LRRC4C: variants seen among roughly 807,000 people sequenced by gnomAD.
The protein encoded by LRRC4C is leucine rich repeat containing 4C.
A neutral mutation model predicts 33.6 loss-of-function variants in LRRC4C; 5 were observed. The observed-to-expected ratio is 0.15, with a 90% CI of 0.08 to 0.31. The LOEUF is 0.31. Ranked by LOEUF, LRRC4C falls within the 10% of genes least tolerant of loss-of-function variation. The probability of loss-of-function intolerance (pLI) is 1.00; values close to 1 mark genes in which losing one functional copy is unlikely to be tolerated. For synonymous variants in LRRC4C, 329 were observed against 302.0 expected, an observed-to-expected ratio of 1.09 and a Z score of -0.93; for missense variants, 560 against 796.7, an observed-to-expected ratio of 0.70 and a Z score of 3.58.
intron 1 of LRRC4C, among the ~76,000 whole-genome samples, chr11:41,228,202 C>G (rs1237831578): frequency 6.6e-6 from 1 of 152,044 alleles, no homozygotes; most frequent in South Asian, 2.1e-4. Flanking sequence ...TCATCTCACC[C>G]TTTCTTTGGG....
intron 1 of LRRC4C, among the ~76,000 whole-genome samples, chr11:41,405,033 G>T (rs902765174): frequency 8.6e-5 from 13 of 151,776 alleles, no homozygotes; most frequent in East Asian, 1.9e-4. Context: ...CAATAATGTG[G>T]GTCCAGCACT....
intron 3 of LRRC4C, among the ~76,000 whole-genome samples, chr11:40,602,367 T>C (rs188369165): frequency 3.5e-4 from 54 of 152,200 alleles, no homozygotes; most frequent in Admixed American, 2.1e-3. Context: ...GAGTATTCTA[T>C]ATAGTTTTGA....
chr11:40,690,372 ATG>A (rs1187536287), intron 2 of LRRC4C, among the ~76,000 whole-genome samples: 2 of 152,208 alleles, frequency 1.3e-5, no homozygotes, highest in Non-Finnish European at 2.9e-5. Context: ...GTGAAAATAA[ATG>A]AAGGCCACCC....
chr11:41,417,477 G>A (rs1317871809), intron 1 of LRRC4C, among the ~76,000 whole-genome samples: 1 of 151,990 alleles, frequency 6.6e-6, no homozygotes, highest in Non-Finnish European at 1.5e-5. Context: ...TACATGTAGT[G>A]ACCCTTGAAA....
At chr11:41,150,287 G>T (rs1206643774) in intron 1 of LRRC4C, among the ~76,000 whole-genome samples, 1 of 152,102 alleles carries the variant, frequency 6.6e-6, no homozygotes, top group Non-Finnish European at 1.5e-5. Context: ...TTAAACTTCA[G>T]CTCCAATAGC....
At chr11:40,559,936 T>A (rs1415062702) in intron 3 of LRRC4C, among the ~76,000 whole-genome samples, 1 of 152,106 alleles carries the variant, frequency 6.6e-6, no homozygotes, top group African/African-American at 2.4e-5. Context: ...CATCTTACAC[T>A]TACATGTGGT....
At chr11:40,914,705 A>G (rs1956864107) in intron 2 of LRRC4C, among the ~76,000 whole-genome samples, 1 of 152,184 alleles carries the variant, frequency 6.6e-6, no homozygotes, top group Non-Finnish European at 1.5e-5. Context: ...CAGGACAATC[A>G]GTCAGGAGAA....
chr11:40,337,537 A>G (rs1055585430), intron 3 of LRRC4C, among the ~76,000 whole-genome samples: 41 of 152,170 alleles, frequency 2.7e-4, no homozygotes, highest in Admixed American at 2.7e-3. Context: ...TAAATACACC[A>G]TAAGGTCAAT....
chr11:40,332,061 T>G (rs1158916960), intron 3 of LRRC4C, among the ~76,000 whole-genome samples: 1 of 152,214 alleles, frequency 6.6e-6, no homozygotes, highest in East Asian at 1.9e-4. Flanking sequence ...ATGAAGCTTT[T>G]TCTATATTTT....
chr11:40,627,771 G>A (rs1346882589), intron 3 of LRRC4C, among the ~76,000 whole-genome samples: 1 of 152,256 alleles, frequency 6.6e-6, no homozygotes, highest in Admixed American at 6.5e-5. Context: ...AAACTCAAGC[G>A]TGAAGAAACA....
intron 2 of LRRC4C, among the ~76,000 whole-genome samples, chr11:40,650,845 C>T (rs901825798): frequency 3.9e-5 from 6 of 152,162 alleles, no homozygotes; most frequent in Non-Finnish European, 7.3e-5. Context: ...ATCATTATGA[C>T]ATGACAAACC....
At chr11:41,128,859 C>G (rs528854460) in intron 1 of LRRC4C, among the ~76,000 whole-genome samples, 42 of 152,112 alleles carry the variant, frequency 2.8e-4, no homozygotes, top group African/African-American at 9.6e-4. Flanking sequence ...GATATAACTT[C>G]ATATATCTAT....
chr11:40,650,266 T>A (rs1283991449), intron 2 of LRRC4C, among the ~76,000 whole-genome samples: 1 of 152,160 alleles, frequency 6.6e-6, no homozygotes, highest in Admixed American at 6.5e-5. Flanking sequence ...ATGTTAAGTG[T>A]CATGAAGACG....
intron 1 of LRRC4C, among the ~76,000 whole-genome samples, chr11:40,993,688 T>C (rs571377190): frequency 1.3e-5 from 2 of 152,084 alleles, no homozygotes; most frequent in Non-Finnish European, 2.9e-5. Flanking sequence ...ATATTTCTAT[T>C]GCGAATATCA....
intron 1 of LRRC4C, among the ~76,000 whole-genome samples, chr11:40,952,816 C>G (rs185445184): frequency 2.8e-4 from 42 of 150,892 alleles, no homozygotes; most frequent in Admixed American, 4.6e-4. Flanking sequence ...GAATAACTCT[C>G]CTGTCCCTCA....
At chr11:40,421,116 C>T (rs929109635) in intron 3 of LRRC4C, among the ~76,000 whole-genome samples, 1 of 152,212 alleles carries the variant, frequency 6.6e-6, no homozygotes, top group Non-Finnish European at 1.5e-5. Flanking sequence ...CTCTCTGATA[C>T]ATCTTTGCCC....
chr11:40,815,563 C>T (rs1201007270), intron 2 of LRRC4C, among the ~76,000 whole-genome samples: 1 of 152,154 alleles, frequency 6.6e-6, no homozygotes, highest in African/African-American at 2.4e-5. Flanking sequence ...CATGGGAAGT[C>T]ACCTTATTCT....
chr11:40,644,920 G>C (rs895580477), intron 3 of LRRC4C, among the ~76,000 whole-genome samples: 2 of 151,502 alleles, frequency 1.3e-5, no homozygotes, highest in African/African-American at 4.8e-5. Flanking sequence ...GGGTATAAAG[G>C]GGGAACAGGC....
At position 40,898,353 on chromosome 11, in the gene LRRC4C, C is replaced by CAAAAAAAAAAAAAAAAAAAAAAAAAAAA. The variant is rs765252333; in HGVS notation, c.-407+35281_-407+35282insTTTTTTTTTTTTTTTTTTTTTTTTTTTT. Among the ~76,000 whole-genome samples the CAAAAAAAAAAAAAAAAAAAAAAAAAAAA allele has an allele frequency of 3.9e-4, 15 of 38,330 alleles. 2 individuals are homozygous for CAAAAAAAAAAAAAAAAAAAAAAAAAAAA. The highest frequency in any genetic ancestry group is 8.1e-4 in the East Asian group (1 of 1,240). 25.1% of individuals were successfully genotyped at this position (38,330 alleles called of 152,430 possible). A position where few individuals can be genotyped will look rare whatever the true frequency, so the allele number is the denominator to read the frequency against. On this transcript the variant is annotated intron_variant, in intron 2 of 6. Coordinates refer to ENST00000528697, the MANE Select transcript of LRRC4C (RefSeq NM_001258419.2). ...GGGCAACAAGAGTGAAACTCCATCT[C>CAAAAAAAAAAAAAAAAAAAAAAAAAAAA]AAAAAAAAAAAAAAAAAAAGAAAAA...
Sources: allele counts gnomAD v4.1 joint callset (sites outside exome capture counted in the v4.1 genomes callset), GRCh38; gene constraint gnomAD v4.1.1; transcripts MANE v1.5; gene names NCBI Gene and HGNC (gene_info 2026-07-23, HGNC 2026-07-21).